Variants in TAFA4 observed in about 807,000 individuals in gnomAD.
TAFA4 encodes TAFA chemokine like family member 4.
A neutral mutation model predicts 21.1 loss-of-function variants in TAFA4; 20 were observed. That is an observed-to-expected ratio of 0.95 (90% CI 0.67 to 1.38). TAFA4 has a LOEUF of 1.38. Among genes scored for constraint, TAFA4 ranks in the 40% most tolerant of loss-of-function variants. TAFA4 has a pLI of 0.00. For synonymous variants in TAFA4, 71 were observed against 67.4 expected (o/e 1.05, Z -0.26); for missense variants, 211 against 180.9 (o/e 1.17, Z -0.95).
intron 3 of TAFA4, among the ~76,000 whole-genome samples, chr3:68,875,187 C>T (rs1444499298): frequency 1.3e-5 from 2 of 151,946 alleles, no homozygotes; most frequent in African/African-American, 4.8e-5. Context: ...TCACCACCCA[C>T]ATCAAACTGT....
rs1322665945 is a variant in TAFA4 at position 68,732,030 on chromosome 3, TAAC to T, written c.*1109_*1111del. 4.6e-5 allele frequency: 7 copies of T among 152,566 alleles called. No individual in the cohort carries two copies. Among genetic ancestry groups the T allele is most frequent in the East Asian group, 1.9e-4 (1 of 5,200 alleles). The allele number at this position is 152,566 out of a possible 1,614,324, so 9.5% of individuals were successfully genotyped here. A position where few individuals can be genotyped will look rare whatever the true frequency, so the allele number is the denominator to read the frequency against. The stretch of plus-strand genomic sequence containing the variant: ...CATATTTTTACAGTAGTATGTACTT[TAAC>T]AACATTATACATCTAAAATCTGGGT... On this transcript the variant is annotated 3_prime_UTR_variant, in exon 6 of 6. Transcript: ENST00000295569.
chr3:68,862,553 A>G lies in TAFA4; in HGVS notation c.130+18177T>C, dbSNP rs150534838. Among the ~76,000 whole-genome samples, 744 of 152,214 alleles carry G rather than the reference A, an allele frequency of 4.9e-3. 6 individuals carry two copies. Among genetic ancestry groups the G allele is most frequent in the African/African-American group, 0.017 (713 of 41,536 alleles). On this transcript the variant is annotated intron_variant, in intron 3 of 5. Transcript: ENST00000295569. ...CACATAACATGGGATAGTCATCGAC[A>G]GAGATTCCTCTTCTACCCCTTCAGG...
chr3:68,753,080 A>T, intron 3 of TAFA4, 62 bp from the exon 4 acceptor site: 1 of 1,501,224 alleles, frequency 6.7e-7, no homozygotes, highest in Non-Finnish European at 9.2e-7. Flanking sequence ...ACACCACCAA[A>T]ACCAAAATGA....
chr3:68,778,694 T>G (rs1357690572), intron 3 of TAFA4, among the ~76,000 whole-genome samples: 1 of 152,248 alleles, frequency 6.6e-6, no homozygotes, highest in Non-Finnish European at 1.5e-5. Flanking sequence ...TTGCTCCTCC[T>G]TGCCTTCTGC....
chr3:68,887,182 G>T (rs1381420547), intron 1 of TAFA4, among the ~76,000 whole-genome samples: 2 of 152,186 alleles, frequency 1.3e-5, no homozygotes, highest in Non-Finnish European at 2.9e-5. Flanking sequence ...GGGAGAAATA[G>T]AAAAAGAAAA....
chr3:68,767,985 A>C (rs1702887419), intron 3 of TAFA4, among the ~76,000 whole-genome samples: 1 of 152,094 alleles, frequency 6.6e-6, no homozygotes, highest in African/African-American at 2.4e-5. Context: ...TACATTTTTC[A>C]GATTTGCTTA....
chr3:68,888,737 A>G (rs894212354), intron 1 of TAFA4, among the ~76,000 whole-genome samples: 2 of 150,844 alleles, frequency 1.3e-5, no homozygotes, highest in African/African-American at 4.9e-5. Context: ...AGAGTGCTCA[A>G]GAGAGGGAGA....
At chr3:68,733,176 A>T in intron 5 of TAFA4, 23 bp from the exon 6 acceptor site, 2 of 1,612,932 alleles carry the variant, frequency 1.2e-6, no homozygotes, top group South Asian at 1.1e-5. Flanking sequence ...AAAATAAGGG[A>T]ACATTCAACA....
At chr3:68,748,197 C>T (rs1702494078) in intron 4 of TAFA4, among the ~76,000 whole-genome samples, 1 of 152,178 alleles carries the variant, frequency 6.6e-6, no homozygotes, top group Non-Finnish European at 1.5e-5. Context: ...ACAAAGGTGC[C>T]AAATTAAAAT....
At chr3:68,867,105 C>T (rs748348509) in intron 3 of TAFA4, among the ~76,000 whole-genome samples, 3 of 151,756 alleles carry the variant, frequency 2.0e-5, no homozygotes, top group Non-Finnish European at 2.9e-5. Context: ...ATAACCAACC[C>T]GAATAAGACT....
chr3:68,859,076 G>T lies in TAFA4; in HGVS notation c.130+21654C>A, dbSNP rs547089031. 3.3e-5 allele frequency among the ~76,000 whole-genome samples: 5 copies of T among 152,104 alleles called. No homozygotes were observed. In the East Asian group the frequency reaches 9.7e-4, roughly 30 times the overall value. ...AGAAATAATCTGTTATTATTTCAGT[G>T]TTGTGCCAATTTAGGATTATTATGT... On this transcript the variant is annotated intron_variant, in intron 3 of 5. Transcript: ENST00000295569.
chr3:68,930,904 TA>T (rs1452682003), intron 1 of TAFA4, among the ~76,000 whole-genome samples: 3 of 152,218 alleles, frequency 2.0e-5, no homozygotes, highest in Non-Finnish European at 4.4e-5. Flanking sequence ...TGGCTGTTCC[TA>T]AATTATTTTA....
intron 1 of TAFA4, among the ~76,000 whole-genome samples, chr3:68,920,646 T>A (rs1393277388): frequency 6.7e-6 from 1 of 150,298 alleles, no homozygotes; most frequent in Non-Finnish European, 1.5e-5. Context: ...CTAATTTTTT[T>A]TTTTTTTTTT....
chr3:68,888,761 G>A (rs771884099), intron 1 of TAFA4, among the ~76,000 whole-genome samples: 1 of 151,442 alleles, frequency 6.6e-6, no homozygotes, highest in African/African-American at 2.4e-5. Context: ...GGCTGAACTT[G>A]CTTGTATAAC....
intron 3 of TAFA4, among the ~76,000 whole-genome samples, chr3:68,767,813 A>G (rs1311199627): frequency 6.6e-6 from 1 of 152,086 alleles, no homozygotes; most frequent in Non-Finnish European, 1.5e-5. Context: ...CATATCACAC[A>G]TACATATGTG....
intron 1 of TAFA4, among the ~76,000 whole-genome samples, chr3:68,915,504 AT>A (rs2089995835): frequency 6.6e-6 from 1 of 152,252 alleles, no homozygotes; most frequent in Admixed American, 6.5e-5. Context: ...ATTGTTGGAC[AT>A]GTACAGACAG....
intron 3 of TAFA4, among the ~76,000 whole-genome samples, chr3:68,870,958 C>T (rs1354051590): frequency 6.6e-6 from 1 of 152,066 alleles, no homozygotes; most frequent in African/African-American, 2.4e-5. Context: ...TGTATACATG[C>T]CACATTTTCT....
At chr3:68,763,654 G>T (rs907681486) in intron 3 of TAFA4, among the ~76,000 whole-genome samples, 7 of 151,956 alleles carry the variant, frequency 4.6e-5, no homozygotes, top group African/African-American at 1.7e-4. Flanking sequence ...CTTAAAATTT[G>T]TCTTCCCTTA....
At chr3:68,821,120 A>G (rs1704105094) in intron 3 of TAFA4, among the ~76,000 whole-genome samples, 1 of 152,216 alleles carries the variant, frequency 6.6e-6, no homozygotes, top group Non-Finnish European at 1.5e-5. Context: ...TACAAATTCT[A>G]TAATAATGTC....
Sources: allele counts gnomAD v4.1 joint callset (sites outside exome capture counted in the v4.1 genomes callset), GRCh38; gene constraint gnomAD v4.1.1; transcripts MANE v1.5; gene names NCBI Gene and HGNC (gene_info 2026-07-23, HGNC 2026-07-21).